Variants in MTMR14 observed in about 807,000 individuals in gnomAD.
MTMR14 encodes phosphatidylinositol-3,5-bisphosphate 3-phosphatase MTMR14.
MTMR14 carries 48 observed loss-of-function variants against 86.3 expected under a neutral mutation model. That is an observed-to-expected ratio of 0.56 (90% CI 0.44 to 0.71). The LOEUF (loss-of-function observed/expected upper bound fraction) is 0.71. Ranked by LOEUF, MTMR14 falls within the 30% of genes least tolerant of loss-of-function variation. The pLI, the probability that MTMR14 is intolerant of heterozygous loss-of-function variation, is 0.00. For missense variants in MTMR14, 780 were observed against 834.6 expected (o/e 0.93, Z 0.81); for synonymous variants, 366 against 326.1 (o/e 1.12, Z -1.32).
At chr3:9,661,734 T>TA (rs1553667870) in intron 2 of MTMR14, among the ~76,000 whole-genome samples, 1 of 152,132 alleles carries the variant, frequency 6.6e-6, no homozygotes, top group Non-Finnish European at 1.5e-5. Flanking sequence ...ACTTTTTTTT[T>TA]ATCTTAAAGG....
At position 9,662,439 on chromosome 3, in the gene MTMR14, A is replaced by G. The variant is rs2047995526; in HGVS notation, c.417+64A>G. The G allele has an allele frequency of 5.1e-6, 7 of 1,367,524 alleles. No individual in the cohort carries two copies. The South Asian group carries it at 8.2e-5, about 16-fold the overall frequency. 84.7% of individuals were successfully genotyped at this position (1,367,524 alleles called of 1,614,324 possible). On this transcript the variant is annotated intron_variant, in intron 3 of 18. Transcript: ENST00000296003. ...TTCTGGGGTAGCTGACTTACTGCAA[A>G]GTATAGGGTCTTTTTTTCCCTCAAC...
intron 17 of MTMR14, among the ~76,000 whole-genome samples, chr3:9,691,942 T>C (rs1181628293): frequency 6.6e-6 from 1 of 152,210 alleles, no homozygotes; most frequent in African/African-American, 2.4e-5. Flanking sequence ...GATGCCTGTC[T>C]GGAGCCAGAC....
chr3:9,666,569 A>G (rs932712647), intron 3 of MTMR14, among the ~76,000 whole-genome samples: 2 of 152,236 alleles, frequency 1.3e-5, no homozygotes, highest in African/African-American at 2.4e-5. Context: ...CTTGGATATG[A>G]TGGGTTAAGT....
chr3:9,674,321 C>T (rs1220851711), intron 7 of MTMR14, among the ~76,000 whole-genome samples: 1 of 152,200 alleles, frequency 6.6e-6, no homozygotes, highest in African/African-American at 2.4e-5. Context: ...CCCTTTGACC[C>T]AGGTATTTTT....
At chr3:9,675,387 G>C (rs777010797) in intron 7 of MTMR14, 17 of 266,460 alleles carry the variant, frequency 6.4e-5, no homozygotes, top group Non-Finnish European at 1.3e-4. Context: ...CCCAAACCAA[G>C]TCACGAGCTG....
intron 2 of MTMR14, chr3:9,659,797 C>T (rs1332157218): frequency 2.2e-6 from 1 of 456,576 alleles, no homozygotes; most frequent in African/African-American, 2.0e-5. Flanking sequence ...ACTGGCCGAC[C>T]TAACAAGAAA....
intron 17 of MTMR14, among the ~76,000 whole-genome samples, chr3:9,691,603 C>G (rs1233729875): frequency 6.6e-6 from 1 of 152,228 alleles, no homozygotes; most frequent in Non-Finnish European, 1.5e-5. Context: ...GCTGAGGCAG[C>G]ACCCCATCAC....
chr3:9,656,526 A>G (rs1170200197), intron 2 of MTMR14, among the ~76,000 whole-genome samples: 5 of 151,748 alleles, frequency 3.3e-5, no homozygotes. Context: ...GGCTCTAGCG[A>G]TCCTTGTGCA....
At chr3:9,671,867 G>A (rs2048583080) in intron 6 of MTMR14, among the ~76,000 whole-genome samples, 1 of 152,134 alleles carries the variant, frequency 6.6e-6, no homozygotes, top group Non-Finnish European at 1.5e-5. Context: ...GATCCTAAAA[G>A]GTGGTCTTAG....
chr3:9,650,519 C>T (rs548575455), intron 1 of MTMR14: 5 of 367,340 alleles, frequency 1.4e-5, no homozygotes, highest in African/African-American at 1.1e-4. Context: ...GATTTGACCT[C>T]AGAGATTACC....
intron 2 of MTMR14, among the ~76,000 whole-genome samples, chr3:9,654,512 T>C (rs2047483981): frequency 6.6e-6 from 1 of 152,180 alleles, no homozygotes; most frequent in Non-Finnish European, 1.5e-5. Context: ...CAGTAAATGG[T>C]ATAGTTATTT....
At chr3:9,699,554 CTA>C (rs1169388730) in intron 18 of MTMR14, 1 of 152,244 alleles carries the variant, frequency 6.6e-6, no homozygotes, top group Non-Finnish European at 1.5e-5. Context: ...CCTAGCTGCT[CTA>C]TTCACCAGCT....
intron 18 of MTMR14, among the ~76,000 whole-genome samples, chr3:9,698,258 G>A (rs1017079046): frequency 3.9e-5 from 6 of 152,262 alleles, no homozygotes; most frequent in African/African-American, 1.2e-4. Flanking sequence ...GGGTTAGCCC[G>A]AAGCTTTGCT....
At chr3:9,661,385 C>G (rs762313036) in intron 2 of MTMR14, among the ~76,000 whole-genome samples, 18 of 152,158 alleles carry the variant, frequency 1.2e-4, no homozygotes, top group Non-Finnish European at 2.5e-4. Context: ...GGTTCGAGCT[C>G]CTATGAGAAT....
At position 9,660,293 on chromosome 3, in the gene MTMR14, C is replaced by A. The variant is rs866855102; in HGVS notation, c.309-1974C>A. On this transcript the variant is annotated intron_variant, in intron 2 of 18. Transcript: ENST00000296003. ...TTTTTTCCCCCAGACGGAGTCTCGC[C>A]CTTCGCCCAGGCTGGAGTGCAATGG... Among the ~76,000 whole-genome samples, 10 of 152,122 alleles carry A rather than the reference C, an allele frequency of 6.6e-5. No individual in the cohort carries two copies. In the South Asian group the frequency reaches 1.9e-3, roughly 28 times the overall value.
At chr3:9,656,296 T>G (rs552347913) in intron 2 of MTMR14, among the ~76,000 whole-genome samples, 1 of 152,318 alleles carries the variant, frequency 6.6e-6, no homozygotes, top group South Asian at 2.1e-4. Flanking sequence ...GAAACAGTAT[T>G]ACATCCTCAG....
intron 9 of MTMR14, among the ~76,000 whole-genome samples, chr3:9,682,971 C>T (rs1271035189): frequency 6.6e-6 from 1 of 151,482 alleles, no homozygotes; most frequent in Admixed American, 6.6e-5. Flanking sequence ...AGGGGGTCCA[C>T]AGGCTGAGTG....
Position 9,677,345 on chromosome 3 carries a change from T to A in MTMR14, c.780T>A (p.Asp260Glu), listed in dbSNP as rs142525507. The A allele has an allele frequency of 1.1e-4, 174 of 1,613,984 alleles. No homozygotes were observed. The African/African-American group carries it at 2.1e-3, about 19-fold the overall frequency. The change falls in exon 8 of 19, where the codon GAT becomes GAA. Residue 260 changes from aspartate (D) to glutamate (E), a missense_variant. By Grantham distance (45) the Asp-to-Glu change is conservative. Coordinates refer to ENST00000296003, the MANE Select transcript of MTMR14 (RefSeq NM_001077525.3). The surrounding 1 kb of genome is among the most constrained non-coding windows in gnomAD (Gnocchi z 4.2). ...PGCEFFKEYK[D>E]RDYMAEGLIF... The stretch of plus-strand genomic sequence containing the variant: ...GTGAATTTTTCAAGGAATATAAAGA[T>A]CGGGATTACATGGCAGAAGGGCTCA...
At chr3:9,654,004 A>G (rs2047458232) in intron 2 of MTMR14, 1 of 557,210 alleles carries the variant, frequency 1.8e-6, no homozygotes, top group Non-Finnish European at 3.2e-6. Context: ...CCTAGAGCTC[A>G]TTGTCCTAAG....
Sources: allele counts gnomAD v4.1 joint callset (sites outside exome capture counted in the v4.1 genomes callset), GRCh38; gene constraint gnomAD v4.1.1; non-coding constraint Gnocchi (gnomAD v3.1); transcripts MANE v1.5; gene names NCBI Gene and HGNC (gene_info 2026-07-23, HGNC 2026-07-21).